Variants in VWA3B observed in about 807,000 individuals in gnomAD.
VWA3B encodes the protein von Willebrand factor A domain containing 3B, also known as von Willebrand factor A domain-containing protein 3B.
VWA3B carries 138 observed loss-of-function variants against 158.3 expected under a neutral mutation model. The ratio of observed to expected loss-of-function variants is 0.87; its 90% confidence interval spans 0.76 to 1.00. VWA3B has a LOEUF of 1.00. Ranked by LOEUF, VWA3B falls within the 50% of genes least tolerant of loss-of-function variation. VWA3B has a pLI of 0.00. For synonymous variants in VWA3B, 596 were observed against 587.3 expected, an observed-to-expected ratio of 1.01 and a Z score of -0.21; for missense variants, 1,555 against 1,565.1, an observed-to-expected ratio of 0.99 and a Z score of 0.11.
At chr2:98,325,027 A>G in the VWA3B span, among the ~76,000 whole-genome samples, 1 of 152,240 alleles carries the variant, frequency 6.6e-6, no homozygotes, top group African/African-American at 2.4e-5. Context: ...CAAGATTTAA[A>G]TAAATAGGAC....
At chr2:98,256,706 AGCAGTGGATTT>A in intron 21 of VWA3B, among the ~76,000 whole-genome samples, 1 of 152,316 alleles carries the variant, frequency 6.6e-6, no homozygotes, top group Non-Finnish European at 1.5e-5. Flanking sequence ...GTATATACCT[AGCAGTGGATTT>A]GCTTGTCACA....
intron 7 of VWA3B, among the ~76,000 whole-genome samples, chr2:98,153,773 G>A (rs1677831144): frequency 6.6e-6 from 1 of 152,332 alleles, no homozygotes; most frequent in Middle Eastern, 3.4e-3. Context: ...ATCCAAAATT[G>A]TTGCCACGTT....
chr2:98,150,119 T>C (rs1032481733), intron 7 of VWA3B, among the ~76,000 whole-genome samples: 1 of 152,212 alleles, frequency 6.6e-6, no homozygotes, highest in Admixed American at 6.5e-5. Flanking sequence ...AAACAAAAAG[T>C]AGTTGTAGGC....
chr2:98,188,071 G>A lies in VWA3B; in HGVS notation c.1408G>A (p.Glu470Lys), dbSNP rs1345272150. Reference protein sequence around the residue: ...GSLVHVNITKEKCKWYSERIH... With the variant: ...GSLVHVNITKKKCKWYSERIH... ...CTTGGTCCACGTCAACATTACCAAA[G>A]AGAAGTGCAAGTGGTACAGTGAGAG... is the stretch of plus-strand genomic sequence containing the variant. Residue 470 changes from glutamate (E) to lysine (K), a missense_variant, in exon 10 of 28, where the codon GAG becomes AAG. Transcript: ENST00000477737. 6.2e-7 allele frequency: 1 copy of A among 1,614,034 alleles called. No homozygotes were observed. Among genetic ancestry groups the A allele is most frequent in the Non-Finnish European group, 8.5e-7 (1 of 1,179,972 alleles).
chr2:98,187,705 G>T lies in VWA3B; in HGVS notation c.1312-270G>T, dbSNP rs551864444. ...GTGTGTGTGTGTGTGTGTGTGTGTC[G>T]GTTGGGGGTGTCTCTATGCTGGAAT... On this transcript the variant is annotated intron_variant, in intron 9 of 27. Coordinates refer to ENST00000477737, the MANE Select transcript of VWA3B (RefSeq NM_144992.5). Among the ~76,000 whole-genome samples, 55 of 127,484 alleles carry T rather than the reference G, an allele frequency of 4.3e-4. No individual in the cohort carries two copies. In the East Asian group the frequency reaches 6.2e-3, roughly 14 times the overall value. 83.6% of individuals were successfully genotyped at this position (127,484 alleles called of 152,430 possible).
intron 21 of VWA3B, among the ~76,000 whole-genome samples, chr2:98,267,680 A>T (rs1015838582): frequency 6.6e-5 from 10 of 152,090 alleles, no homozygotes; most frequent in African/African-American, 2.2e-4. Context: ...GGCAAGAAAT[A>T]ACTAAAATCA....
At position 98,101,922 on chromosome 2, in the gene VWA3B, G is replaced by T. The variant is rs531950143; in HGVS notation, c.196+8634G>T. On this transcript the variant is annotated intron_variant, in intron 2 of 27. Coordinates refer to ENST00000477737, the MANE Select transcript of VWA3B (RefSeq NM_144992.5). ...ATCATTCTTGGGTGTTTCTCAGAGAGGGGGATGTGGCAGGGTCATAGGATG... is the reference window on the plus strand; with the variant it reads ...ATCATTCTTGGGTGTTTCTCAGAGATGGGGATGTGGCAGGGTCATAGGATG... 4.0e-5 allele frequency among the ~76,000 whole-genome samples: 6 copies of T among 151,334 alleles called. No homozygotes were observed. The South Asian group carries it at 1.3e-3, about 32-fold the overall frequency.
At chr2:98,276,867 G>A (rs1017334227) in intron 22 of VWA3B, among the ~76,000 whole-genome samples, 1 of 152,230 alleles carries the variant, frequency 6.6e-6, no homozygotes, top group African/African-American at 2.4e-5. Flanking sequence ...ATCTGGAACA[G>A]GGTTGCCCTC....
intron 22 of VWA3B, among the ~76,000 whole-genome samples, chr2:98,271,822 T>C (rs62157900): frequency 0.039 from 5,909 of 152,332 alleles, 168 homozygotes; most frequent in Middle Eastern, 0.075. Context: ...GTGTGAAACC[T>C]ACTCTCTGAC....
chr2:98,137,561 G>A (rs971887439), intron 7 of VWA3B, among the ~76,000 whole-genome samples: 69 of 152,166 alleles, frequency 4.5e-4, no homozygotes, highest in African/African-American at 1.6e-3. Context: ...GGCAAGAGGA[G>A]AAATGTGTAC....
At chr2:98,185,845 A>C (rs2105375972) in intron 9 of VWA3B, among the ~76,000 whole-genome samples, 1 of 152,236 alleles carries the variant, frequency 6.6e-6, no homozygotes, top group Non-Finnish European at 1.5e-5. Context: ...ATCAGCACAC[A>C]CACATTCTGC....
chr2:98,260,821 T>C (rs1315190371), intron 21 of VWA3B, among the ~76,000 whole-genome samples: 1 of 151,856 alleles, frequency 6.6e-6, no homozygotes. Flanking sequence ...ATAACAAATC[T>C]ATTTTGCTGG....
At position 98,312,412 on chromosome 2, in the gene VWA3B, G is replaced by A. The variant is rs1444650926; in HGVS notation, c.*63G>A. ...CCTTCCAGGCTGTTCAGACCTCAGC[G>A]TTGACACTGAAACTGGCCCCTCCGC... On this transcript the variant is annotated 3_prime_UTR_variant, in exon 28 of 28. Coordinates refer to ENST00000477737, the MANE Select transcript of VWA3B (RefSeq NM_144992.5). 10 of 1,536,990 alleles carry A rather than the reference G, an allele frequency of 6.5e-6. No individual in the cohort carries two copies. The highest frequency in any genetic ancestry group is 4.5e-5 in the East Asian group (2 of 44,118).
intron 10 of VWA3B, among the ~76,000 whole-genome samples, chr2:98,191,738 C>T (rs1409466571): frequency 6.6e-6 from 1 of 152,212 alleles, no homozygotes; most frequent in Non-Finnish European, 1.5e-5. Flanking sequence ...AGTTTCTTCA[C>T]ATGCATGCCT....
chr2:98,298,016 C>T lies in VWA3B; in HGVS notation c.3267C>T (p.Pro1089=), dbSNP rs375220306. 167 of 1,565,996 alleles carry T rather than the reference C, an allele frequency of 1.1e-4. No individual in the cohort carries two copies. The highest frequency in any genetic ancestry group is 1.3e-4 in the Non-Finnish European group (147 of 1,157,200). The part of the protein sequence containing the change: ...SFITPVGGAM[P]CPLLQVGDYV... ...TCACGCCTGTGGGGGGCGCCATGCC[C>T]TGCCCGCTGCTCCAGGTACCCAGTC... Residue 1089 remains proline, a synonymous_variant, in exon 24 of 28, where the codon CCC becomes CCT. Coordinates refer to ENST00000477737, the MANE Select transcript of VWA3B (RefSeq NM_144992.5).
intron 13 of VWA3B, among the ~76,000 whole-genome samples, chr2:98,213,174 G>A (rs1335053121): frequency 2.0e-5 from 3 of 152,186 alleles, no homozygotes; most frequent in African/African-American, 7.2e-5. Context: ...ACAGAGGTGT[G>A]GAAATATGTG....
At chr2:98,234,537 G>A (rs1685548017) in intron 16 of VWA3B, 111 bp from the exon 17 acceptor site, 2 of 1,491,166 alleles carry the variant, frequency 1.3e-6, no homozygotes, top group African/African-American at 2.8e-5. Context: ...CAGAGGGTTG[G>A]GAAACAAAGG....
chr2:98,234,811 A>G, intron 17 of VWA3B, 44 bp downstream of exon 17: 2 of 1,613,248 alleles, frequency 1.2e-6, no homozygotes, highest in Non-Finnish European at 1.7e-6. Context: ...CTCCCTTTCC[A>G]CAGTGTATCT....
intron 7 of VWA3B, among the ~76,000 whole-genome samples, chr2:98,162,169 C>G (rs912729275): frequency 6.6e-6 from 1 of 151,086 alleles, no homozygotes; most frequent in Non-Finnish European, 1.5e-5. Flanking sequence ...CCCGGCCCAC[C>G]CGCCCCAACA....
Sources: gnomAD v4.1 joint callset for allele counts (sites outside exome capture counted in the v4.1 genomes callset) on GRCh38, gnomAD v4.1.1 for gene constraint, MANE v1.5 for transcripts, NCBI Gene and HGNC (gene_info 2026-07-23, HGNC 2026-07-21) for gene names.